DENND5B: variants seen among roughly 807,000 people sequenced by gnomAD.
DENND5B encodes the protein DENN domain-containing protein 5B.
In DENND5B, 34 loss-of-function variants were observed where a neutral mutation model predicts 140.6. The ratio of observed to expected loss-of-function variants is 0.24; its 90% CI spans 0.18 to 0.32. The LOEUF is 0.32. DENND5B is among the 10% of genes least tolerant of loss of function. The probability of loss-of-function intolerance (pLI) is 1.00; values close to 1 mark genes in which losing one functional copy is unlikely to be tolerated. For missense variants in DENND5B, 1,142 were observed against 1,560.2 expected, an observed-to-expected ratio of 0.73 and a Z score of 4.52; for synonymous variants, 551 against 562.1, an observed-to-expected ratio of 0.98 and a Z score of 0.28.
In DENND5B at chr12:31,559,647, A is replaced by G. The variant is rs149085461; in HGVS notation, c.127+31059T>C. ...TGTAAGAATCTGACAGCACTTATTA[A>G]TATCTGTTTAGCAATTATACACTTG... On this transcript the variant is annotated intron_variant, in intron 1 of 20. Coordinates refer to ENST00000389082, the MANE Select transcript of DENND5B (RefSeq NM_144973.4). Among the ~76,000 whole-genome samples, 698 of 152,308 alleles carry G rather than the reference A, an allele frequency of 4.6e-3. 4 individuals carry two copies. The highest frequency in any genetic ancestry group is 7.5e-3 in the Admixed American group (114 of 15,296).
intron 2 of DENND5B, among the ~76,000 whole-genome samples, chr12:31,493,656 C>T (rs2138711485): frequency 6.6e-6 from 1 of 152,170 alleles, no homozygotes; most frequent in South Asian, 2.1e-4. Flanking sequence ...ATGGTGAAAC[C>T]CTGTCTCTAC....
intron 11 of DENND5B, among the ~76,000 whole-genome samples, chr12:31,422,902 T>C (rs1943090033): frequency 6.6e-6 from 1 of 152,060 alleles, no homozygotes; most frequent in African/African-American, 2.4e-5. Context: ...CATATGTACA[T>C]ATTTTCTCCC....
chr12:31,409,146 C>T (rs1027110914), intron 14 of DENND5B, 117 bp downstream of exon 14: 1 of 1,128,524 alleles, frequency 8.9e-7, no homozygotes, highest in Admixed American at 3.3e-5. Flanking sequence ...TAAACAGAGA[C>T]CTGGGCGTAT....
chr12:31,555,416 T>C (rs879275004), intron 1 of DENND5B, among the ~76,000 whole-genome samples: 37 of 152,124 alleles, frequency 2.4e-4, no homozygotes, highest in Non-Finnish European at 5.0e-4. Flanking sequence ...CTTCTGGAAG[T>C]TTTGTCTCAG....
chr12:31,392,784 G>A, intron 17 of DENND5B, 88 bp from the exon 18 acceptor site: 1 of 1,265,956 alleles, frequency 7.9e-7, no homozygotes. Context: ...ACCTAGGCAG[G>A]AAATACGTCA....
chr12:31,499,586 G>C (rs1472452169), intron 1 of DENND5B: 1 of 1,477,602 alleles, frequency 6.8e-7, no homozygotes. Context: ...GCCCATCCTT[G>C]TTCTTAATTT....
chr12:31,465,805 C>A (rs1945238547), intron 3 of DENND5B: 1 of 152,350 alleles, frequency 6.6e-6, no homozygotes, highest in African/African-American at 2.4e-5. Flanking sequence ...ATGAAAGGCA[C>A]AGCCTCTGGC....
At chr12:31,497,595 T>C (rs566537915) in intron 1 of DENND5B, among the ~76,000 whole-genome samples, 2 of 150,004 alleles carry the variant, frequency 1.3e-5, no homozygotes, top group East Asian at 3.9e-4. Flanking sequence ...GATTTTCCTG[T>C]GAACACTAAG....
At chr12:31,439,106 T>C (rs1350728539) in intron 7 of DENND5B, among the ~76,000 whole-genome samples, 1 of 152,236 alleles carries the variant, frequency 6.6e-6, no homozygotes, top group African/African-American at 2.4e-5. Flanking sequence ...TTTGCATTAT[T>C]AAACTTTATT....
At chr12:31,504,861 C>A (rs79122367) in intron 1 of DENND5B, among the ~76,000 whole-genome samples, 1,727 of 152,300 alleles carry the variant, frequency 0.011, 19 homozygotes, top group East Asian at 0.031. Context: ...TCAAGGCACA[C>A]AATCTATCTT....
rs1472857848 is a variant in DENND5B, at chr12:31,384,382, T to G, written c.*3221A>C. ...ACCCCAAACTCAGCTTAAGCATCCT[T>G]TTCATTGATCAAACTTGGATCCTAA... On this transcript the variant is annotated 3_prime_UTR_variant, in exon 21 of 21. Transcript: ENST00000389082. 1 of 152,186 alleles carries G rather than the reference T, an allele frequency of 6.6e-6. No individual in the cohort carries two copies. The highest frequency in any genetic ancestry group is 1.5e-5 in the Non-Finnish European group (1 of 68,038). 9.4% of individuals were successfully genotyped at this position (152,186 alleles called of 1,614,324 possible). A position where few individuals can be genotyped will look rare whatever the true frequency, so the allele number is the denominator to read the frequency against.
chr12:31,526,070 ACCCAGTTAACATTAATAATTT>A (rs1170269612), intron 1 of DENND5B, among the ~76,000 whole-genome samples: 1 of 152,180 alleles, frequency 6.6e-6, no homozygotes, highest in Non-Finnish European at 1.5e-5. Context: ...TTCTCACCTC[ACCCAGTTAACATTAATAATTT>A]CCTCTGTGCT....
chr12:31,457,498 T>G (rs1944827293), intron 4 of DENND5B, among the ~76,000 whole-genome samples: 1 of 152,220 alleles, frequency 6.6e-6, no homozygotes, highest in Non-Finnish European at 1.5e-5. Context: ...TATTTTAGAC[T>G]TTTCAGGGAA....
rs1449601726 is a variant in DENND5B at position 31,433,204 on chromosome 12, C to T, written c.2057G>A (p.Arg686His). ...RSATAQRRKE[R>H]LRQHSEHVGL... is the part of the protein sequence containing the mutation. ...AACATGCTCAGAATGCTGGCGAAGG[C>T]GTTCTTTCCTGCGCTGTGCAGTGGC... The change falls in exon 8 of 21, where the codon CGC becomes CAC. Residue 686 changes from arginine (R) to histidine (H), a missense_variant. Transcript: ENST00000389082. 2.5e-6 allele frequency: 4 copies of T among 1,613,768 alleles called. No homozygotes were observed. The South Asian group carries it at 3.3e-5, about 13-fold the overall frequency.
chr12:31,548,754 A>C (rs2139223485), intron 1 of DENND5B, among the ~76,000 whole-genome samples: 1 of 152,288 alleles, frequency 6.6e-6, no homozygotes, highest in African/African-American at 2.4e-5. Context: ...TTTCAAGGAG[A>C]CCAATTTAAT....
At chr12:31,501,124 A>T (rs1214300842) in intron 1 of DENND5B, among the ~76,000 whole-genome samples, 1 of 152,172 alleles carries the variant, frequency 6.6e-6, no homozygotes, top group African/African-American at 2.4e-5. Context: ...TCTCACCTTG[A>T]ATTGTAGTTC....
chr12:31,474,766 A>T (rs984111285), intron 3 of DENND5B, among the ~76,000 whole-genome samples: 8 of 152,204 alleles, frequency 5.3e-5, no homozygotes, highest in Non-Finnish European at 1.0e-4. Flanking sequence ...CCCAAGTACA[A>T]ATCAACATAA....
intron 1 of DENND5B, among the ~76,000 whole-genome samples, chr12:31,521,591 A>G (rs1385422313): frequency 1.3e-5 from 2 of 152,234 alleles, no homozygotes; most frequent in African/African-American, 4.8e-5. Context: ...AGATGCCTAC[A>G]TAAAACAGAA....
intron 3 of DENND5B, among the ~76,000 whole-genome samples, chr12:31,471,217 A>T (rs1172349103): frequency 6.6e-6 from 1 of 151,950 alleles, no homozygotes; most frequent in Non-Finnish European, 1.5e-5. Flanking sequence ...CCTCACCAAC[A>T]CCCTTAGGTA....
Sources: allele counts gnomAD v4.1 joint callset (sites outside exome capture counted in the v4.1 genomes callset), GRCh38; gene constraint gnomAD v4.1.1; transcripts MANE v1.5; gene names NCBI Gene and HGNC (gene_info 2026-07-23, HGNC 2026-07-21).